The following NOTCH2 variants were observed in gnomAD, a reference collection of about 807,000 sequenced individuals.
NOTCH2 encodes notch receptor 2, also known as neurogenic locus notch homolog protein 2.
A neutral mutation model predicts 235.8 loss-of-function variants in NOTCH2; 29 were observed. The observed-to-expected ratio is 0.12, with a 90% CI of 0.09 to 0.17. The LOEUF (loss-of-function observed/expected upper bound fraction) is 0.17. Among genes scored for constraint, NOTCH2 ranks in the 10% least tolerant of loss-of-function variants. NOTCH2 has a pLI of 1.00. For synonymous variants in NOTCH2, 1,086 were observed against 1,141.5 expected (o/e 0.95, Z 0.98); for missense variants, 2,285 against 3,150.2 (o/e 0.73, Z 6.57).
rs587666164 is a variant in NOTCH2, at chr1:119,960,125, G to A, written c.1916-623C>T. Among the ~76,000 whole-genome samples the A allele has an allele frequency of 5.9e-5, 9 of 152,280 alleles. No homozygotes were observed. The South Asian group carries it at 1.7e-3, about 28-fold the overall frequency. The stretch of plus-strand genomic sequence containing the variant: ...GAAAGAGCAACTGACAGGCAAACCA[G>A]GGTTAATCAGAATTGAGTATTTAGC... On this transcript the variant is annotated intron_variant, in intron 11 of 33. Coordinates refer to ENST00000256646, the MANE Select transcript of NOTCH2 (RefSeq NM_024408.4).
At position 119,925,712 on chromosome 1, in the gene NOTCH2, G is replaced by A. The variant is rs749586259; in HGVS notation, c.4104C>T (p.Cys1368=). 15 of 1,613,052 alleles carry A rather than the reference G, an allele frequency of 9.3e-6. No individual in the cohort carries two copies. The East Asian group carries it at 2.9e-4, about 31-fold the overall frequency. Residue 1368 remains cysteine, a synonymous_variant, in exon 25 of 34, where the codon TGC becomes TGT. Transcript: ENST00000256646. ...CTGACTCGCAGTCCCGGGGACTGGG[G>A]CAGAAGCAGCGGGGTCCAGAGGCGG... The part of the protein sequence containing the change: ...VHTASGPRCF[C]PSPRDCESGC...
chr1:119,911,900 T>C lies in NOTCH2; in HGVS notation c.*3406A>G, dbSNP rs928677171. 3 of 233,246 alleles carry C rather than the reference T, an allele frequency of 1.3e-5. No individual in the cohort carries two copies. In the South Asian group the frequency reaches 5.4e-4, roughly 42 times the overall value. The allele number at this position is 233,246 out of a possible 1,614,324, so 14.4% of individuals were successfully genotyped here. A position where few individuals can be genotyped will look rare whatever the true frequency, so the allele number is the denominator to read the frequency against. ...CTTTTTCCCCAGGATCATTTATTTATGATCTAATTAAAGGAAGAAAAAAAG... is the reference window on the plus strand; with the variant it reads ...CTTTTTCCCCAGGATCATTTATTTACGATCTAATTAAAGGAAGAAAAAAAG... On this transcript the variant is annotated 3_prime_UTR_variant, in exon 34 of 34. Transcript: ENST00000256646.
At chr1:119,951,762 A>G (rs1182035456) in intron 14 of NOTCH2, among the ~76,000 whole-genome samples, 1 of 152,246 alleles carries the variant, frequency 6.6e-6, no homozygotes, top group Non-Finnish European at 1.5e-5. Context: ...AAGTAGAGAA[A>G]CTATGGCACT....
intron 33 of NOTCH2, among the ~76,000 whole-genome samples, chr1:119,916,984 G>A (rs1454366656): frequency 6.6e-6 from 1 of 152,140 alleles, no homozygotes; most frequent in East Asian, 1.9e-4. Context: ...ATGCCCCTGA[G>A]CCAGAGACTC....
chr1:120,008,657 TG>T lies in NOTCH2; in HGVS notation c.156-3070del, dbSNP rs1239003472. Among the ~76,000 whole-genome samples the T allele has an allele frequency of 5.5e-5, 8 of 144,148 alleles. No homozygotes were observed. The South Asian group carries it at 1.6e-3, about 30-fold the overall frequency. 94.6% of individuals were successfully genotyped at this position (144,148 alleles called of 152,430 possible). On this transcript the variant is annotated intron_variant, in intron 2 of 33. Coordinates refer to ENST00000256646, the MANE Select transcript of NOTCH2 (RefSeq NM_024408.4). ...TGCCAACTTCTGAGTAGAGAACATATGAAGGCTAATTCTATAAATACCATCC... is the reference window on the plus strand; with the variant it reads ...TGCCAACTTCTGAGTAGAGAACATATAAGGCTAATTCTATAAATACCATCC...
intron 8 of NOTCH2, 72 bp downstream of exon 8, chr1:119,967,361 T>C (rs906326373): frequency 2.3e-6 from 3 of 1,327,240 alleles, no homozygotes; most frequent in Middle Eastern, 4.2e-4. Flanking sequence ...AATAGTATAC[T>C]GAATGCTCTA....
rs1571143028 is a variant in NOTCH2, at chr1:119,912,685, A to ACATG, written c.*2617_*2620dup. The ACATG allele has an allele frequency of 5.1e-5, 12 of 233,362 alleles. No individual in the cohort carries two copies. The East Asian group carries it at 7.3e-4, about 14-fold the overall frequency. 14.5% of individuals were successfully genotyped at this position (233,362 alleles called of 1,614,324 possible). On this transcript the variant is annotated 3_prime_UTR_variant, in exon 34 of 34. Coordinates refer to ENST00000256646, the MANE Select transcript of NOTCH2 (RefSeq NM_024408.4). ...CCAAAAATAGCAGGGGAGGATCTAT[A>ACATG]CATGGCATAAAAGATGTGTCTCATA...
Position 120,009,047 on chromosome 1 carries a change from A to G in NOTCH2, c.156-3459T>C, listed in dbSNP as rs587631966. On this transcript the variant is annotated intron_variant, in intron 2 of 33. Transcript: ENST00000256646. ...ACTGACAATACTTGAGTTGAGACCT[A>G]AATAAGGTGAGAGTAATCATGCAGG... Among the ~76,000 whole-genome samples the G allele has an allele frequency of 2.5e-3, 373 of 152,180 alleles. 1 individual carries two copies. Among genetic ancestry groups the G allele is most frequent in the African/African-American group, 8.7e-3 (362 of 41,498 alleles).
At chr1:120,038,937 T>G (rs1325656811) in intron 1 of NOTCH2, among the ~76,000 whole-genome samples, 1 of 152,008 alleles carries the variant, frequency 6.6e-6, no homozygotes, top group African/African-American at 2.4e-5. Flanking sequence ...AAAAACTAGC[T>G]GAAATAGGTT....
In NOTCH2 at chr1:119,967,573, C is replaced by G. The variant is rs781957465; in HGVS notation, c.1313G>C (p.Gly438Ala). The part of the protein sequence containing the change: ...EHAGKCVNTD[G>A]AFHCECLKGY... ...CTTCAGACACTCACAGTGGAAGGCG[C>G]CATCCGTGTTCACACATTTTCCTGC... is the stretch of plus-strand genomic sequence containing the variant. Residue 438 changes from glycine to alanine, a missense_variant, in exon 8 of 34, where the codon GGC becomes GCC. By Grantham distance (60) the Gly-to-Ala change is moderately conservative. Transcript: ENST00000256646. 2 of 1,614,080 alleles carry G rather than the reference C, an allele frequency of 1.2e-6. No homozygotes were observed. Among genetic ancestry groups the G allele is most frequent in the Non-Finnish European group, 1.7e-6 (2 of 1,179,976 alleles).
chr1:119,982,505 C>T (rs1209922412), intron 5 of NOTCH2, among the ~76,000 whole-genome samples: 1 of 152,204 alleles, frequency 6.6e-6, no homozygotes, highest in Non-Finnish European at 1.5e-5. Context: ...CATTAATCTA[C>T]ACTGCTCTAA....
In NOTCH2 at chr1:119,922,146, T is replaced by C; in HGVS notation, c.5213+90A>G. On this transcript the variant is annotated intron_variant, in intron 28 of 33. Coordinates refer to ENST00000256646, the MANE Select transcript of NOTCH2 (RefSeq NM_024408.4). ...TCAATGTGAGTAAATGCCCAGAGCTTAGAATTTAAAATCATGATTCAACAA... is the reference window on the plus strand; with the variant it reads ...TCAATGTGAGTAAATGCCCAGAGCTCAGAATTTAAAATCATGATTCAACAA... 3 of 1,415,596 alleles carry C rather than the reference T, an allele frequency of 2.1e-6. No homozygotes were observed. In the South Asian group the frequency reaches 3.6e-5, roughly 17 times the overall value. 87.7% of individuals were successfully genotyped at this position (1,415,596 alleles called of 1,614,324 possible). A position where few individuals can be genotyped will look rare whatever the true frequency, so the allele number is the denominator to read the frequency against.
At chr1:119,960,825 G>A (rs1260064724) in intron 11 of NOTCH2, among the ~76,000 whole-genome samples, 1 of 151,854 alleles carries the variant, frequency 6.6e-6, no homozygotes, top group African/African-American at 2.4e-5. Context: ...CACCTTACCT[G>A]GCTAATTTTT....
intron 3 of NOTCH2, among the ~76,000 whole-genome samples, chr1:120,002,529 GA>G (rs147474377): frequency 4.6e-4 from 65 of 142,592 alleles, no homozygotes; most frequent in Middle Eastern, 3.5e-3. Context: ...TCTCCATCAG[GA>G]AAAAAAAAAA....
chr1:119,986,967 T>C lies in NOTCH2; in HGVS notation c.867A>G (p.Gln289=), dbSNP rs782545365. Reference sequence around the variant, plus strand: ...TCTCCACACTGTACATACCTGTCCATTGTGGGGGACAGCGGCAGTTGTAAG... The same window carrying C: ...TCTCCACACTGTACATACCTGTCCACTGTGGGGGACAGCGGCAGTTGTAAG... ...VNTYNCRCPP[Q]WTGQFCTEDV... Residue 289 remains glutamine, a synonymous_variant, in exon 5 of 34, where the codon CAA becomes CAG. Coordinates refer to ENST00000256646, the MANE Select transcript of NOTCH2 (RefSeq NM_024408.4). 8 of 1,613,584 alleles carry C rather than the reference T, an allele frequency of 5.0e-6. No homozygotes were observed. Among genetic ancestry groups the C allele is most frequent in the Non-Finnish European group, 6.8e-6 (8 of 1,179,566 alleles).
Position 119,923,562 on chromosome 1 carries a change from G to A in NOTCH2, c.4859+75C>T. ...TGATCTTTGCATTTCTATAGGTTGA[G>A]TTATGACTTGTGCTATATGTCAAAG... On this transcript the variant is annotated intron_variant, in intron 26 of 33. Transcript: ENST00000256646. 5 of 1,271,438 alleles carry A rather than the reference G, an allele frequency of 3.9e-6. No homozygotes were observed. In the South Asian group the frequency reaches 4.8e-5, roughly 12 times the overall value. The allele number at this position is 1,271,438 out of a possible 1,614,324, so 78.8% of individuals were successfully genotyped here.
Position 120,069,646 on chromosome 1 carries a change from G to A in NOTCH2, c.-240C>T. The A allele has an allele frequency of 7.2e-7, 1 of 1,381,436 alleles. No homozygotes were observed. Among genetic ancestry groups the A allele is most frequent in the South Asian group, 1.6e-5 (1 of 63,914 alleles). 85.6% of individuals were successfully genotyped at this position (1,381,436 alleles called of 1,614,324 possible). The stretch of plus-strand genomic sequence containing the variant: ...AAGTTTGGCTGAAACTTTCTCGGGT[G>A]TGCAACGAAGCAGCCTCGTGTGTCC... On this transcript the variant is annotated 5_prime_UTR_variant, in exon 1 of 34. Transcript: ENST00000256646.
chr1:119,915,854 C>T lies in NOTCH2; in HGVS notation c.6868G>A (p.Glu2290Lys), dbSNP rs141878560. 83 of 1,614,058 alleles carry T rather than the reference C, an allele frequency of 5.1e-5. 1 individual carries two copies. The highest frequency in any genetic ancestry group is 8.3e-5 in the Admixed American group (5 of 60,016). Residue 2290 changes from glutamate (E) to lysine (K), a missense_variant, in exon 34 of 34, where the codon GAA becomes AAA. Glu to Lys is a moderately conservative substitution (Grantham distance 56, BLOSUM62 1). This residue lies in a region of NOTCH2 where 504 missense variants were observed against 538.0 expected (regional missense o/e 0.94). Transcript: ENST00000256646. ...CGAGGGGTGGTTATGTGCTTCCCTT[C>T]AGGTGGCCTGCTCTGGGGAGCTATG... The part of the protein sequence containing the change: ...PGIAPQSRPP[E>K]GKHITTPREP...
chr1:120,069,005 T>C (rs1655631906), intron 1 of NOTCH2: 3 of 1,288,794 alleles, frequency 2.3e-6, no homozygotes, highest in Non-Finnish European at 3.1e-6. Flanking sequence ...ACGCGGAACC[T>C]GAAGGGCAAA....
Sources: allele counts gnomAD v4.1 joint callset (sites outside exome capture counted in the v4.1 genomes callset), GRCh38; gene constraint gnomAD v4.1.1; regional missense constraint gnomAD v4.1.1; transcripts MANE v1.5; gene names NCBI Gene and HGNC (gene_info 2026-07-23, HGNC 2026-07-21).